The following CDK17 variants were observed in gnomAD, a reference collection of about 807,000 sequenced individuals.
CDK17 encodes the protein cyclin dependent kinase 17, also known as cyclin-dependent kinase 17.
In CDK17, 24 loss-of-function variants were observed where a neutral mutation model predicts 77.6. That is an observed-to-expected ratio of 0.31 (90% confidence interval 0.22 to 0.44). CDK17 has a LOEUF of 0.44. Ranked by LOEUF, CDK17 falls within the 20% of genes least tolerant of loss-of-function variation. The probability of loss-of-function intolerance (pLI) is 1.00; values close to 1 mark genes in which losing one functional copy is unlikely to be tolerated. For synonymous variants in CDK17, 203 were observed against 210.4 expected, an observed-to-expected ratio of 0.96 and a Z score of 0.30; for missense variants, 429 against 622.5, an observed-to-expected ratio of 0.69 and a Z score of 3.31.
At chr12:96,308,499 C>T (rs1008291051) in intron 5 of CDK17, among the ~76,000 whole-genome samples, 9 of 151,512 alleles carry the variant, frequency 5.9e-5, no homozygotes, top group Admixed American at 1.3e-4. Flanking sequence ...GAGGCCGAGG[C>T]GGGTGGATCA....
At chr12:96,393,354 C>CAA (rs10633197) in intron 1 of CDK17, among the ~76,000 whole-genome samples, 2,107 of 42,406 alleles carry the variant, frequency 0.05, 218 homozygotes, top group Admixed American at 0.11. Flanking sequence ...GGCTCCGCCT[C>CAA]AAAAAAAAAA....
intron 3 of CDK17, 147 bp downstream of exon 3, chr12:96,323,801 T>C: frequency 3.8e-6 from 2 of 527,386 alleles, no homozygotes. Flanking sequence ...CTCTAGAACT[T>C]TCCATCCTTC....
At position 96,295,066 on chromosome 12, in the gene CDK17, C is replaced by A. The variant is rs1952385436; in HGVS notation, c.930G>T (p.Leu310Phe). The A allele has an allele frequency of 1.2e-6, 2 of 1,611,644 alleles. No individual in the cohort carries two copies. Among genetic ancestry groups the A allele is most frequent in the Non-Finnish European group, 1.7e-6 (2 of 1,178,122 alleles). Residue 310 changes from leucine (L) to phenylalanine (F), a missense_variant, in exon 10 of 17, where the codon TTG becomes TTT. Coordinates refer to ENST00000261211, the MANE Select transcript of CDK17 (RefSeq NM_002595.5). ...GGTTCTGTGGTTTCAAGTCTCGATG[C>A]AATACCTTTCTTCTATGGCAATATG... is the stretch of plus-strand genomic sequence containing the variant. ...GLAYCHRRKV[L>F]HRDLKPQNLL...
intron 14 of CDK17, 57 bp downstream of exon 14, chr12:96,283,546 C>T: frequency 3.0e-6 from 3 of 1,015,324 alleles, no homozygotes; most frequent in Non-Finnish European, 3.1e-6. Context: ...CCATTCTACA[C>T]ATGAAGAAGC....
chr12:96,361,316 AAG>A, intron 1 of CDK17, among the ~76,000 whole-genome samples: 1 of 152,336 alleles, frequency 6.6e-6, no homozygotes, highest in East Asian at 1.9e-4. Flanking sequence ...GAACAGGAAG[AAG>A]AAGCAAACAA....
intron 5 of CDK17, among the ~76,000 whole-genome samples, chr12:96,309,708 C>T (rs1466553956): frequency 6.6e-6 from 1 of 152,068 alleles, no homozygotes; most frequent in African/African-American, 2.4e-5. Flanking sequence ...TAAATATAAA[C>T]ATACAATAAA....
chr12:96,306,416 C>T (rs541760701), intron 5 of CDK17, among the ~76,000 whole-genome samples: 62 of 131,404 alleles, frequency 4.7e-4, no homozygotes, highest in Non-Finnish European at 8.9e-4. Flanking sequence ...ATAATTTGTA[C>T]AAAAAAAAAA....
chr12:96,377,735 C>T (rs544002139), intron 1 of CDK17, among the ~76,000 whole-genome samples: 1 of 149,194 alleles, frequency 6.7e-6, no homozygotes, highest in South Asian at 2.2e-4. Context: ...GCTCTGTCGC[C>T]CAGGCTGGAG....
intron 1 of CDK17, among the ~76,000 whole-genome samples, chr12:96,360,281 T>C (rs1486318911): frequency 1.3e-5 from 2 of 152,004 alleles, no homozygotes; most frequent in Admixed American, 6.6e-5. Flanking sequence ...GGTGGAAGGG[T>C]TGACGGGAAG....
At chr12:96,380,283 G>GTT (rs71437211) in intron 1 of CDK17, among the ~76,000 whole-genome samples, 3 of 8,274 alleles carry the variant, frequency 3.6e-4, no homozygotes, top group Admixed American at 1.3e-3. Flanking sequence ...TTTTTAGCTG[G>GTT]TTTTTTTTTT....
chr12:96,304,613 C>T (rs1022865924), intron 5 of CDK17, among the ~76,000 whole-genome samples: 1 of 152,124 alleles, frequency 6.6e-6, no homozygotes, highest in African/African-American at 2.4e-5. Flanking sequence ...TGGGAATTAC[C>T]GAGTTACTGT....
At chr12:96,343,712 C>A (rs1197544328) in intron 1 of CDK17, among the ~76,000 whole-genome samples, 3 of 152,190 alleles carry the variant, frequency 2.0e-5, no homozygotes, top group African/African-American at 4.8e-5. Context: ...AAAGGGATGA[C>A]AACAGCCTTC....
intron 5 of CDK17, among the ~76,000 whole-genome samples, chr12:96,308,102 C>T (rs1045059209): frequency 6.6e-6 from 1 of 151,526 alleles, no homozygotes; most frequent in Non-Finnish European, 1.5e-5. Context: ...CTAATCTGGC[C>T]CACAGGGGCC....
chr12:96,374,590 T>C (rs1048092753), intron 1 of CDK17, among the ~76,000 whole-genome samples: 1 of 152,234 alleles, frequency 6.6e-6, no homozygotes, highest in Non-Finnish European at 1.5e-5. Context: ...CTCTGACCTC[T>C]TGGCAAATTC....
chr12:96,335,219 C>A, intron 1 of CDK17: 1 of 341,632 alleles, frequency 2.9e-6, no homozygotes, highest in Admixed American at 4.2e-5. Flanking sequence ...ACATAAATAT[C>A]AATCATTATA....
At chr12:96,326,976 C>T (rs991940968) in intron 2 of CDK17, among the ~76,000 whole-genome samples, 1 of 152,102 alleles carries the variant, frequency 6.6e-6, no homozygotes. Context: ...AAAAATATCA[C>T]TGTGAAGGGT....
chr12:96,353,159 C>T (rs1490646400), intron 1 of CDK17, among the ~76,000 whole-genome samples: 1 of 152,096 alleles, frequency 6.6e-6, no homozygotes, highest in Non-Finnish European at 1.5e-5. Context: ...ACCTAATGTT[C>T]CAAAAAACAT....
chr12:96,293,315 C>A (rs922433275), intron 10 of CDK17, among the ~76,000 whole-genome samples: 1 of 152,058 alleles, frequency 6.6e-6, no homozygotes, highest in Non-Finnish European at 1.5e-5. Context: ...TGGGATTACA[C>A]CCCTGAGCCA....
chr12:96,312,729 T>TATGTCC (rs888989950), intron 4 of CDK17, among the ~76,000 whole-genome samples: 4 of 152,176 alleles, frequency 2.6e-5, no homozygotes, highest in African/African-American at 9.7e-5. Flanking sequence ...ACGATCAACT[T>TATGTCC]ATGTCCTCAA....
Sources: allele counts gnomAD v4.1 joint callset (sites outside exome capture counted in the v4.1 genomes callset), GRCh38; gene constraint gnomAD v4.1.1; transcripts MANE v1.5; gene names NCBI Gene and HGNC (gene_info 2026-07-23, HGNC 2026-07-21).